Variants in MTTP observed in about 807,000 individuals in gnomAD.
MTTP encodes microsomal triglyceride transfer protein large subunit.
MTTP carries 49 observed loss-of-function variants against 90.6 expected under a neutral mutation model. The observed-to-expected ratio is 0.54, with a 90% CI of 0.43 to 0.69. The LOEUF (loss-of-function observed/expected upper bound fraction) is 0.69, where lower values mean the gene tolerates loss of function less well. Ranked by LOEUF, MTTP falls within the 30% of genes least tolerant of loss-of-function variation. MTTP has a pLI of 0.00. For missense variants in MTTP, 945 were observed against 1,067.5 expected (o/e 0.89, Z 1.60); for synonymous variants, 347 against 384.2 (o/e 0.90, Z 1.13).
chr4:99,576,680 G>GC (rs1406364860), intron 1 of MTTP, among the ~76,000 whole-genome samples: 1 of 120,278 alleles, frequency 8.3e-6, no homozygotes, highest in African/African-American at 3.4e-5. Context: ...GGGCGACAGA[G>GC]CGAGACTCCG....
At chr4:99,602,037 C>T (rs746607698) in intron 10 of MTTP, among the ~76,000 whole-genome samples, 2 of 151,982 alleles carry the variant, frequency 1.3e-5, no homozygotes, top group Non-Finnish European at 2.9e-5. Flanking sequence ...AACCTCCCTA[C>T]CCATATACTT....
chr4:99,623,719 A>G lies in MTTP; in HGVS notation c.*871A>G, dbSNP rs969080519. 3 of 152,228 alleles carry G rather than the reference A, an allele frequency of 2.0e-5. No homozygotes were observed. Among genetic ancestry groups the G allele is most frequent in the South Asian group, 4.1e-4 (2 of 4,836 alleles). 9.4% of individuals were successfully genotyped at this position (152,228 alleles called of 1,614,324 possible). On this transcript the variant is annotated 3_prime_UTR_variant, in exon 18 of 18. Coordinates refer to ENST00000265517, the MANE Select transcript of MTTP (RefSeq NM_001386140.1). The stretch of plus-strand genomic sequence containing the variant: ...AGTTCATTTAACTGTACTCTGCACA[A>G]TAGCTAGGATGACTAAGAGAACATT...
At chr4:99,603,116 A>G (rs1725736049) in intron 10 of MTTP, among the ~76,000 whole-genome samples, 1 of 152,152 alleles carries the variant, frequency 6.6e-6, no homozygotes, top group South Asian at 2.1e-4. Context: ...TAGGAGACAT[A>G]CAATAATGTA....
intron 15 of MTTP, among the ~76,000 whole-genome samples, chr4:99,614,713 T>C (rs980195885): frequency 6.6e-6 from 1 of 152,192 alleles, no homozygotes; most frequent in African/African-American, 2.4e-5. Context: ...CATTCCAAGA[T>C]GGAAGAAGGG....
intron 11 of MTTP, 63 bp downstream of exon 11, chr4:99,607,023 A>C: frequency 7.1e-7 from 1 of 1,414,516 alleles, no homozygotes. Flanking sequence ...GCTGAACATG[A>C]GTCAAATGCA....
chr4:99,569,593 A>G (rs935872482), intron 1 of MTTP, among the ~76,000 whole-genome samples: 3 of 152,034 alleles, frequency 2.0e-5, no homozygotes, highest in Admixed American at 6.6e-5. Flanking sequence ...ATTTTAAAGT[A>G]ACATATACAT....
intron 1 of MTTP, among the ~76,000 whole-genome samples, chr4:99,576,437 T>A (rs964890758): frequency 1.3e-4 from 20 of 152,120 alleles, no homozygotes; most frequent in Non-Finnish European, 8.8e-5. Flanking sequence ...GGCTCACGCC[T>A]GTAATCCCAG....
intron 4 of MTTP, 93 bp downstream of exon 4, chr4:99,589,843 T>C: frequency 1.1e-6 from 1 of 888,252 alleles, no homozygotes; most frequent in Non-Finnish European, 1.8e-6. Context: ...ACTACTAAGG[T>C]AATGCTCAGA....
chr4:99,611,282 C>T, intron 13 of MTTP, 42 bp downstream of exon 13: 4 of 1,613,966 alleles, frequency 2.5e-6, no homozygotes, highest in Non-Finnish European at 3.4e-6. Context: ...TACCCCACAA[C>T]TTAGCATTGC....
At chr4:99,600,527 C>T (rs982802435) in intron 8 of MTTP, 38 bp from the exon 9 acceptor site, 3 of 1,594,194 alleles carry the variant, frequency 1.9e-6, no homozygotes, top group Middle Eastern at 1.7e-4. Flanking sequence ...ATTCCTTCCC[C>T]TAAACATTGA....
At chr4:99,618,397 A>G (rs900154987) in intron 15 of MTTP, among the ~76,000 whole-genome samples, 6 of 152,190 alleles carry the variant, frequency 3.9e-5, no homozygotes, top group Non-Finnish European at 7.3e-5. Flanking sequence ...ATAACTAGAG[A>G]AGTGCTGAAG....
At chr4:99,606,338 A>G (rs567899976) in intron 10 of MTTP, among the ~76,000 whole-genome samples, 1 of 152,362 alleles carries the variant, frequency 6.6e-6, no homozygotes, top group Non-Finnish European at 1.5e-5. Context: ...GTTGAACTCT[A>G]AGAGGTCTCA....
chr4:99,582,808 C>T (rs1452578740), intron 2 of MTTP, among the ~76,000 whole-genome samples: 1 of 152,098 alleles, frequency 6.6e-6, no homozygotes, highest in Non-Finnish European at 1.5e-5. Flanking sequence ...ATTGAGGTGT[C>T]ATAGCAATAC....
At chr4:99,587,364 TA>T (rs1418743368) in intron 3 of MTTP, among the ~76,000 whole-genome samples, 1 of 152,046 alleles carries the variant, frequency 6.6e-6, no homozygotes, top group Admixed American at 6.6e-5. Flanking sequence ...TAGAAAGGAT[TA>T]AAAAAACTTT....
At position 99,623,403 on chromosome 4, in the gene MTTP, T is replaced by C. The variant is rs1439634082; in HGVS notation, c.*555T>C. 6.3e-6 allele frequency: 1 copy of C among 159,342 alleles called. No homozygotes were observed. The highest frequency in any genetic ancestry group is 6.0e-5 in the Admixed American group (1 of 16,584). 9.9% of individuals were successfully genotyped at this position (159,342 alleles called of 1,614,324 possible). ...AAGACTTGTTAGCCAACTTCAAGAA[T>C]TAATATTTATGTCTCTGTTATTGTT... is the stretch of plus-strand genomic sequence containing the variant. On this transcript the variant is annotated 3_prime_UTR_variant, in exon 18 of 18. Transcript: ENST00000265517.
intron 1 of MTTP, among the ~76,000 whole-genome samples, chr4:99,565,025 G>T (rs747035248): frequency 2.6e-5 from 4 of 152,146 alleles, no homozygotes; most frequent in Admixed American, 6.5e-5. Flanking sequence ...TGTTAACTGA[G>T]CACTGGCAAA....
chr4:99,623,026 C>A lies in MTTP; in HGVS notation c.*178C>A, dbSNP rs978043753. 1.5e-6 allele frequency: 1 copy of A among 663,958 alleles called. No individual in the cohort carries two copies. Among genetic ancestry groups the A allele is most frequent in the Non-Finnish European group, 2.7e-6 (1 of 376,940 alleles). The allele number at this position is 663,958 out of a possible 1,614,324, so 41.1% of individuals were successfully genotyped here. A position where few individuals can be genotyped will look rare whatever the true frequency, so the allele number is the denominator to read the frequency against. ...ATTTGGGTATATGCAGTATGCTACC[C>A]ACAGCGTCATTTTGAATCATCATGT... On this transcript the variant is annotated 3_prime_UTR_variant, in exon 18 of 18. Coordinates refer to ENST00000265517, the MANE Select transcript of MTTP (RefSeq NM_001386140.1).
At chr4:99,606,373 T>A (rs1445705593) in intron 10 of MTTP, among the ~76,000 whole-genome samples, 2 of 152,090 alleles carry the variant, frequency 1.3e-5, no homozygotes, top group Non-Finnish European at 2.9e-5. Context: ...TAAGGAAAGG[T>A]GTATGGTGAC....
chr4:99,568,933 C>A (rs575732908), intron 1 of MTTP, among the ~76,000 whole-genome samples: 1 of 151,996 alleles, frequency 6.6e-6, no homozygotes, highest in South Asian at 2.1e-4. Context: ...TGGAGGAATT[C>A]AAATAATTTA....
Sources: allele counts gnomAD v4.1 joint callset (sites outside exome capture counted in the v4.1 genomes callset), GRCh38; gene constraint gnomAD v4.1.1; transcripts MANE v1.5; gene names NCBI Gene and HGNC (gene_info 2026-07-23, HGNC 2026-07-21).